Variants in CPVL observed in about 807,000 individuals in gnomAD.
CPVL encodes carboxypeptidase vitellogenic like.
A neutral mutation model predicts 63.7 loss-of-function variants in CPVL; 51 were observed. That is an observed-to-expected ratio of 0.80 (90% CI 0.64 to 1.01). CPVL has a LOEUF of 1.01. CPVL is among the 50% of genes least tolerant of loss of function. The pLI, the probability that CPVL is intolerant of heterozygous loss-of-function variation, is 0.00. For missense variants in CPVL, 530 were observed against 573.1 expected, an observed-to-expected ratio of 0.92 and a Z score of 0.77; for synonymous variants, 195 against 206.0, an observed-to-expected ratio of 0.95 and a Z score of 0.46.
intron 7 of CPVL, among the ~76,000 whole-genome samples, chr7:29,083,464 A>C (rs1384895126): frequency 6.6e-6 from 1 of 152,204 alleles, no homozygotes; most frequent in Non-Finnish European, 1.5e-5. Flanking sequence ...GTTCTAGGAT[A>C]GGCATGGGAT....
At chr7:29,027,302 A>G (rs1787589480) in intron 12 of CPVL, among the ~76,000 whole-genome samples, 1 of 152,176 alleles carries the variant, frequency 6.6e-6, no homozygotes, top group African/African-American at 2.4e-5. Context: ...CATGATAAAA[A>G]CTGTCAACAA....
intron 6 of CPVL, 83 bp from the exon 7 acceptor site, chr7:29,086,633 T>A (rs909982907): frequency 9.9e-7 from 1 of 1,013,346 alleles, no homozygotes; most frequent in Non-Finnish European, 1.6e-6. Flanking sequence ...CAAATCTAAC[T>A]CTTTGGCAAT....
At position 29,130,680 on chromosome 7, in the gene CPVL, CA is replaced by C. The variant is rs1469310294; in HGVS notation, c.-10-9610del. Among the ~76,000 whole-genome samples, 3 of 152,128 alleles carry C rather than the reference CA, an allele frequency of 2.0e-5. No homozygotes were observed. In the East Asian group the frequency reaches 5.8e-4, roughly 29 times the overall value. On this transcript the variant is annotated intron_variant, in intron 1 of 12. Coordinates refer to ENST00000265394, the MANE Select transcript of CPVL (RefSeq NM_031311.5). ...GAGTTGCAAAGCTGGAATCTGAAGC[CA>C]TATCTAGGTGATGTCAAAGTCCACG...
At chr7:29,188,942 T>G (rs1276163247) in intron 1 of CPVL, among the ~76,000 whole-genome samples, 1 of 145,438 alleles carries the variant, frequency 6.9e-6, no homozygotes, top group Non-Finnish European at 1.5e-5. Flanking sequence ...ATAGTTTTCC[T>G]CATACCTTTT....
At chr7:29,115,323 C>G (rs1013010804) in intron 2 of CPVL, among the ~76,000 whole-genome samples, 3 of 152,136 alleles carry the variant, frequency 2.0e-5, no homozygotes, top group Non-Finnish European at 4.4e-5. Flanking sequence ...TTAATGCAAC[C>G]TCTGTTGGTC....
At chr7:29,177,598 C>T (rs556853843) in intron 5 of CPVL, among the ~76,000 whole-genome samples, 1 of 151,640 alleles carries the variant, frequency 6.6e-6, no homozygotes, top group African/African-American at 2.4e-5. Context: ...CCTCTGTCCC[C>T]TCATTTTTTC....
Position 29,112,690 on chromosome 7 carries a change from T to C in CPVL, c.288+14A>G. The stretch of plus-strand genomic sequence containing the variant: ...AGGTCTTGAACACTGGTGTTCTTTC[T>C]GTTGGGCACCTACCTGAGCTGGGAA... On this transcript the variant is annotated intron_variant, in intron 3 of 12. Coordinates refer to ENST00000265394, the MANE Select transcript of CPVL (RefSeq NM_031311.5). 6.4e-7 allele frequency: 1 copy of C among 1,573,424 alleles called. No individual in the cohort carries two copies. Among genetic ancestry groups the C allele is most frequent in the African/African-American group, 1.3e-5 (1 of 74,114 alleles).
chr7:29,037,088 T>A (rs569651147), intron 11 of CPVL, among the ~76,000 whole-genome samples: 1 of 152,324 alleles, frequency 6.6e-6, no homozygotes, highest in Admixed American at 6.5e-5. Context: ...CACAAGCAAG[T>A]GGCAAACCTA....
At position 29,116,434 on chromosome 7, in the gene CPVL, C is replaced by A. The variant is rs568781358; in HGVS notation, c.170-3612G>T. On this transcript the variant is annotated intron_variant, in intron 2 of 12. Coordinates refer to ENST00000265394, the MANE Select transcript of CPVL (RefSeq NM_031311.5). ...GATGGAGGAGTTTCTATCTTTCCAG[C>A]ACCATGACTCACAATACAAATGTTT... Among the ~76,000 whole-genome samples, 30 of 152,342 alleles carry A rather than the reference C, an allele frequency of 2.0e-4. 1 individual carries two copies. The South Asian group carries it at 6.2e-3, about 32-fold the overall frequency.
chr7:29,115,447 T>C (rs1177092619), intron 2 of CPVL, among the ~76,000 whole-genome samples: 2 of 151,828 alleles, frequency 1.3e-5, no homozygotes, highest in Non-Finnish European at 2.9e-5. Context: ...TTGGGGAAAG[T>C]GGTTTTTGCC....
chr7:29,156,884 A>G (rs1384798484), intron 5 of CPVL, among the ~76,000 whole-genome samples: 1 of 152,214 alleles, frequency 6.6e-6, no homozygotes, highest in Non-Finnish European at 1.5e-5. Flanking sequence ...CTCAACATGA[A>G]AATCCTGTGG....
At chr7:29,130,174 A>G (rs916506170) in intron 1 of CPVL, among the ~76,000 whole-genome samples, 1 of 152,204 alleles carries the variant, frequency 6.6e-6, no homozygotes, top group Non-Finnish European at 1.5e-5. Flanking sequence ...CAGGAAGACT[A>G]TGGAAGGAGT....
In CPVL at chr7:29,195,046, CG is replaced by C. The variant is rs1032323387; in HGVS notation, c.-448+30del. 47 of 1,539,368 alleles carry C rather than the reference CG, an allele frequency of 3.1e-5. No homozygotes were observed. In the African/African-American group the frequency reaches 6.2e-4, roughly 20 times the overall value. ...GCGCCGGGTCTCGCCCCACTGCCCT[CG>C]CCCCGCAGCCTGGGATGGACAGAGC... is the stretch of plus-strand genomic sequence containing the variant. On this transcript the variant is annotated intron_variant, in intron 1 of 16. Transcript: ENST00000409850.
At chr7:29,009,792 T>C (rs1785621263) in intron 12 of CPVL, 1 of 152,040 alleles carries the variant, frequency 6.6e-6, no homozygotes, top group Non-Finnish European at 1.5e-5. Flanking sequence ...CCTCCAGGGG[T>C]AATTAGGAAG....
chr7:29,149,189 CTTTTTTTTTTT>C (rs60520174), upstream of CPVL, among the ~76,000 whole-genome samples: 5 of 100,340 alleles, frequency 5.0e-5, no homozygotes, highest in South Asian at 7.8e-4. Flanking sequence ...GTCTGTTTCC[CTTTTTTTTTTT>C]TTTTTTTTTT....
At position 29,096,113 on chromosome 7, in the gene CPVL, ACTT is replaced by A; in HGVS notation, c.390_392del (p.Ser131del). 1 of 1,612,946 alleles carries A rather than the reference ACTT, an allele frequency of 6.2e-7. No homozygotes were observed. The highest frequency in any genetic ancestry group is 8.5e-7 in the Non-Finnish European group (1 of 1,178,864). ...GCAAGGGATACTTACAGGTCATGTT[ACTT>A]GTGACAACATAAGGCCCATGTTCCA... On this transcript the variant is annotated inframe_deletion, in exon 4 of 13. Coordinates refer to ENST00000265394, the MANE Select transcript of CPVL (RefSeq NM_031311.5).
intron 5 of CPVL, among the ~76,000 whole-genome samples, chr7:29,178,990 T>TG (rs1403344492): frequency 6.6e-6 from 1 of 152,154 alleles, no homozygotes; most frequent in East Asian, 1.9e-4. Context: ...AACCAGCATT[T>TG]GCACCTCCTC....
chr7:29,026,946 A>T (rs554638604), intron 12 of CPVL, among the ~76,000 whole-genome samples: 1 of 152,166 alleles, frequency 6.6e-6, no homozygotes, highest in Non-Finnish European at 1.5e-5. Flanking sequence ...TCTCAAACTA[A>T]TTCTTTAAAA....
intron 1 of CPVL, chr7:29,127,648 C>T (rs1790175546): frequency 6.6e-6 from 1 of 152,148 alleles, no homozygotes; most frequent in South Asian, 2.1e-4. Flanking sequence ...TGACCTTTTC[C>T]CACCTTTTTC....
Sources: gnomAD v4.1 joint callset for allele counts (sites outside exome capture counted in the v4.1 genomes callset) on GRCh38, gnomAD v4.1.1 for gene constraint, MANE v1.5 for transcripts, NCBI Gene and HGNC (gene_info 2026-07-23, HGNC 2026-07-21) for gene names.